The following NPHS2 variants were observed in gnomAD, a reference collection of about 807,000 sequenced individuals.
NPHS2 encodes the protein podocin.
A neutral mutation model predicts 37.1 loss-of-function variants in NPHS2; 36 were observed. The observed-to-expected ratio is 0.97, with a 90% confidence interval of 0.74 to 1.28. The LOEUF (loss-of-function observed/expected upper bound fraction) is 1.28. NPHS2 is among the 50% of genes most tolerant of loss of function. NPHS2 has a pLI of 0.00. For missense variants in NPHS2, 447 were observed against 488.1 expected (o/e 0.92, Z 0.79); for synonymous variants, 196 against 189.3 (o/e 1.04, Z -0.29).
intron 1 of NPHS2, among the ~76,000 whole-genome samples, chr1:179,568,279 T>TG (rs1218712839): frequency 6.6e-6 from 1 of 152,192 alleles, no homozygotes; most frequent in Non-Finnish European, 1.5e-5. Context: ...GGTTTAGTCT[T>TG]GGGAGGGTGT....
chr1:179,565,014 T>A (rs1674281997), intron 1 of NPHS2, among the ~76,000 whole-genome samples: 1 of 151,994 alleles, frequency 6.6e-6, no homozygotes, highest in Non-Finnish European at 1.5e-5. Context: ...CTCACGCCTG[T>A]CATCCCAGCA....
Position 179,575,786 on chromosome 1 carries a change from C to T in NPHS2, c.79G>A (p.Ala27Thr), listed in dbSNP as rs1167176148. Residue 27 changes from alanine (A) to threonine (T), a missense_variant, in exon 1 of 8, where the codon GCA becomes ACA. Transcript: ENST00000367615. Reference sequence around the variant, plus strand: ...CCTCCGCCGCTCCTCTCGGCCTTTGCCCTCTTGTTCTCCTTGTGCGGAGTC... The same window carrying T: ...CCTCCGCCGCTCCTCTCGGCCTTTGTCCTCTTGTTCTCCTTGTGCGGAGTC... ...GRTPHKENKR[A>T]KAERSGGGRG... 4 of 1,494,632 alleles carry T rather than the reference C, an allele frequency of 2.7e-6. No homozygotes were observed. The highest frequency in any genetic ancestry group is 3.5e-6 in the Non-Finnish European group (4 of 1,127,032). The allele number at this position is 1,494,632 out of a possible 1,614,324, so 92.6% of individuals were successfully genotyped here.
chr1:179,569,239 A>G (rs955348628), intron 1 of NPHS2, among the ~76,000 whole-genome samples: 3 of 151,912 alleles, frequency 2.0e-5, no homozygotes, highest in South Asian at 4.2e-4. Context: ...GTGCTCCTGT[A>G]TTGGGTGCAT....
intron 1 of NPHS2, among the ~76,000 whole-genome samples, chr1:179,569,975 A>T (rs1014649271): frequency 1.3e-5 from 2 of 152,132 alleles, no homozygotes; most frequent in Non-Finnish European, 2.9e-5. Flanking sequence ...TGCCCTTAAC[A>T]CTTTTTCCTT....
chr1:179,575,699 C>A lies in NPHS2; in HGVS notation c.166G>T (p.Glu56Ter), dbSNP rs1167223941. The A allele has an allele frequency of 6.4e-7, 1 of 1,573,688 alleles. No individual in the cohort carries two copies. The change falls in exon 1 of 8, where the codon GAG becomes TAG. Residue 56 changes from glutamate to a stop codon, truncating the protein, a stop_gained. Coordinates refer to ENST00000367615, the MANE Select transcript of NPHS2 (RefSeq NM_014625.4). LOFTEE classifies it high-confidence loss of function. ...SGSGRAGTPG[E>*]PRAPAATVVD... ...ACCGTGGCGGCGGGCGCTCGGGGCT[C>A]CCCCGGGGTCCCCGCCCGTCCGGAG...
intron 4 of NPHS2, 62 bp from the exon 5 acceptor site, chr1:179,557,292 A>G (rs571171867): frequency 7.5e-6 from 10 of 1,332,246 alleles, no homozygotes; most frequent in South Asian, 7.1e-5. Context: ...ATGTGGGGTT[A>G]GAGGAACTAA....
intron 6 of NPHS2, among the ~76,000 whole-genome samples, chr1:179,553,607 A>G (rs1335393157): frequency 6.6e-6 from 1 of 152,238 alleles, no homozygotes; most frequent in Non-Finnish European, 1.5e-5. Flanking sequence ...TAAGGAGTAC[A>G]TGGGGGATTC....
rs1673909614 is a variant in NPHS2 at position 179,556,025 on chromosome 1, T to C, written c.738+1002A>G. On this transcript the variant is annotated intron_variant, in intron 5 of 7. Coordinates refer to ENST00000367615, the MANE Select transcript of NPHS2 (RefSeq NM_014625.4). This position sits in a 1 kb window ranked among gnomAD's most constrained non-coding sequence, Gnocchi z 4.1. ...GGATACATGCATTTTTGACTTACGA[T>C]ATTTTTTGCTTTATGATGGTTTATA... Among the ~76,000 whole-genome samples the C allele has an allele frequency of 6.6e-6, 1 of 152,226 alleles. No individual in the cohort carries two copies. The highest frequency in any genetic ancestry group is 1.5e-5 in the Non-Finnish European group (1 of 68,040).
intron 3 of NPHS2, among the ~76,000 whole-genome samples, chr1:179,560,571 C>T (rs573006970): frequency 1.3e-5 from 2 of 152,188 alleles, no homozygotes; most frequent in South Asian, 4.2e-4. Flanking sequence ...AATCTTCAAA[C>T]TCTGATATTT....
At chr1:179,561,463 G>T in intron 2 of NPHS2, 102 bp from the exon 3 acceptor site, 1 of 848,002 alleles carries the variant, frequency 1.2e-6, no homozygotes, top group Non-Finnish European at 1.9e-6. Context: ...TTTTTGTTTT[G>T]AGAACCAGGA....
rs2125780480 is a variant in NPHS2 at position 179,554,502 on chromosome 1, C to T, written c.768G>A (p.Trp256Ter). 3 of 1,614,116 alleles carry T rather than the reference C, an allele frequency of 1.9e-6. No individual in the cohort carries two copies. Among genetic ancestry groups the T allele is most frequent in the Non-Finnish European group, 2.5e-6 (3 of 1,180,010 alleles). The change falls in exon 6 of 8, where the codon TGG (tryptophan) becomes TGA (stop). Residue 256 changes from tryptophan to a stop codon, truncating the protein, a stop_gained. Coordinates refer to ENST00000367615, the MANE Select transcript of NPHS2 (RefSeq NM_014625.4). LOFTEE classifies it high-confidence loss of function. ...TTTCTATTCTCTCCACTTTGATTCC[C>T]CAAATACAGGTCACTGAATCCAAGG... ...KVALDSVTCIWGIKVERIEIK... is the reference protein window; with the variant it reads ...KVALDSVTCI
chr1:179,552,837 G>A, intron 6 of NPHS2, 156 bp from the exon 7 acceptor site: 1 of 687,886 alleles, frequency 1.5e-6, no homozygotes, highest in Non-Finnish European at 2.7e-6. Flanking sequence ...GAGGTCAAAA[G>A]TAGGCAGATC....
At chr1:179,564,439 T>C (rs1049942853) in intron 2 of NPHS2, among the ~76,000 whole-genome samples, 6 of 152,102 alleles carry the variant, frequency 3.9e-5, no homozygotes, top group African/African-American at 1.4e-4. Context: ...TGGTAAGTGT[T>C]AGAACAAAGT....
chr1:179,552,719 C>G (rs749770099), intron 6 of NPHS2, 38 bp from the exon 7 acceptor site: 1 of 1,534,626 alleles, frequency 6.5e-7, no homozygotes, highest in East Asian at 2.3e-5. Context: ...GGTGTGCAGC[C>G]ATGATTTAGG....
intron 1 of NPHS2, among the ~76,000 whole-genome samples, chr1:179,570,550 G>A (rs1458392050): frequency 6.6e-6 from 1 of 152,236 alleles, no homozygotes; most frequent in Non-Finnish European, 1.5e-5. Context: ...CAGGCCAGGT[G>A]TTCCTTGCCT....
intron 5 of NPHS2, 146 bp from the exon 6 acceptor site, chr1:179,554,677 C>A (rs974689517): frequency 9.1e-7 from 1 of 1,102,062 alleles, no homozygotes; most frequent in Non-Finnish European, 1.4e-6. Context: ...CTTCACAGTG[C>A]CTTGCAAAGA....
chr1:179,554,357 A>T, intron 6 of NPHS2, 119 bp downstream of exon 6: 1 of 1,198,810 alleles, frequency 8.3e-7, no homozygotes, highest in African/African-American at 1.5e-5. Flanking sequence ...CTTTTTTATA[A>T]ATTTATGCTG....
Position 179,561,362 on chromosome 1 carries a change from C to G in NPHS2, c.379-1G>C. 1 of 1,605,426 alleles carries G rather than the reference C, an allele frequency of 6.2e-7. No individual in the cohort carries two copies. The highest frequency in any genetic ancestry group is 8.5e-7 in the Non-Finnish European group (1 of 1,172,328). On this transcript the variant is annotated splice_acceptor_variant, in intron 2 of 7. Transcript: ENST00000367615. LOFTEE classifies it high-confidence loss of function. ...TTACTCTTTCATACTCTTGTACAAC[C>G]TAAAGAGAAATTTAATCCTTTCAAA... is the stretch of plus-strand genomic sequence containing the variant.
At chr1:179,562,127 C>G (rs1028775113) in intron 2 of NPHS2, among the ~76,000 whole-genome samples, 1 of 152,166 alleles carries the variant, frequency 6.6e-6, no homozygotes, top group Non-Finnish European at 1.5e-5. Flanking sequence ...TTTAATTTGC[C>G]AATTTTCACT....
Sources: gnomAD v4.1 joint callset for allele counts (sites outside exome capture counted in the v4.1 genomes callset) on GRCh38, gnomAD v4.1.1 for gene constraint, Gnocchi (gnomAD v3.1) non-coding constraint, MANE v1.5 for transcripts, NCBI Gene and HGNC (gene_info 2026-07-23, HGNC 2026-07-21) for gene names.